Variants in CNTNAP2 observed in about 807,000 individuals in gnomAD.
CNTNAP2 encodes the protein contactin associated protein 2.
CNTNAP2 carries 98 observed loss-of-function variants against 155.2 expected under a neutral mutation model. That is an observed-to-expected ratio of 0.63 (90% CI 0.54 to 0.75). The LOEUF (loss-of-function observed/expected upper bound fraction) is 0.75. Ranked by LOEUF, CNTNAP2 falls within the 30% of genes least tolerant of loss-of-function variation. The probability of loss-of-function intolerance (pLI) is 0.00; values close to 1 mark genes in which losing one functional copy is unlikely to be tolerated. For synonymous variants in CNTNAP2, 651 were observed against 631.2 expected (o/e 1.03, Z -0.47); for missense variants, 1,727 against 1,688.1 (o/e 1.02, Z -0.40).
At chr7:146,758,993 A>T (rs1399289705) in intron 1 of CNTNAP2, among the ~76,000 whole-genome samples, 1 of 151,994 alleles carries the variant, frequency 6.6e-6, no homozygotes, top group Non-Finnish European at 1.5e-5. Flanking sequence ...GATCCAATCA[A>T]TTTTCTTCCT....
At chr7:148,119,559 A>C (rs1036046059) in intron 16 of CNTNAP2, among the ~76,000 whole-genome samples, 1 of 152,062 alleles carries the variant, frequency 6.6e-6, no homozygotes, top group Non-Finnish European at 1.5e-5. Flanking sequence ...TCCCTTTGCC[A>C]AGTCTGTCCC....
At chr7:147,580,138 A>T (rs541853077) in intron 12 of CNTNAP2, among the ~76,000 whole-genome samples, 4 of 152,202 alleles carry the variant, frequency 2.6e-5, no homozygotes, top group Admixed American at 1.3e-4. Context: ...TCTGTCCTTT[A>T]GACAGTCTCC....
At chr7:147,142,908 C>G (rs1563091848) in intron 8 of CNTNAP2, among the ~76,000 whole-genome samples, 1 of 152,120 alleles carries the variant, frequency 6.6e-6, no homozygotes, top group Non-Finnish European at 1.5e-5. Context: ...TATATTCCAT[C>G]CTAGCAAACT....
chr7:148,137,139 T>A (rs900408671), intron 16 of CNTNAP2, among the ~76,000 whole-genome samples: 1 of 152,246 alleles, frequency 6.6e-6, no homozygotes, highest in Non-Finnish European at 1.5e-5. Flanking sequence ...GCACTTATCC[T>A]GGGATACTTT....
At chr7:147,907,191 G>C (rs1402757698) in intron 14 of CNTNAP2, among the ~76,000 whole-genome samples, 1 of 151,806 alleles carries the variant, frequency 6.6e-6, no homozygotes, top group Non-Finnish European at 1.5e-5. Context: ...CGAGTAGCTG[G>C]GACTACAGGC....
Position 147,025,564 on chromosome 7 carries a change from A to G in CNTNAP2, c.403-18343A>G, listed in dbSNP as rs369675273. Among the ~76,000 whole-genome samples, 18 of 151,120 alleles carry G rather than the reference A, an allele frequency of 1.2e-4. No individual in the cohort carries two copies. The East Asian group carries it at 2.4e-3, about 20-fold the overall frequency. On this transcript the variant is annotated intron_variant, in intron 3 of 23. Transcript: ENST00000361727. ...GCAAAGAAACCTCCCATATCATCCAATCACCTCCCACTAGGTCCCACCTCC... is the reference window on the plus strand; with the variant it reads ...GCAAAGAAACCTCCCATATCATCCAGTCACCTCCCACTAGGTCCCACCTCC...
intron 9 of CNTNAP2, among the ~76,000 whole-genome samples, chr7:147,386,814 C>A (rs1796633429): frequency 6.6e-6 from 1 of 152,210 alleles, no homozygotes; most frequent in Admixed American, 6.5e-5. Context: ...CCTCACTCTA[C>A]TGGTACCAGT....
intron 13 of CNTNAP2, among the ~76,000 whole-genome samples, chr7:147,766,334 CT>C (rs1006000562): frequency 8.6e-5 from 13 of 152,020 alleles, no homozygotes; most frequent in Non-Finnish European, 1.8e-4. Context: ...ATGAATAATG[CT>C]TTTAGCCTAT....
chr7:147,329,450 G>A (rs913914345), intron 9 of CNTNAP2, among the ~76,000 whole-genome samples: 7 of 151,974 alleles, frequency 4.6e-5, no homozygotes, highest in African/African-American at 1.7e-4. Context: ...ATAGAATAAT[G>A]GTAGAAGTTG....
chr7:147,915,661 C>T (rs1335545619), intron 14 of CNTNAP2, among the ~76,000 whole-genome samples: 1 of 145,174 alleles, frequency 6.9e-6, no homozygotes, highest in Non-Finnish European at 1.5e-5. Flanking sequence ...AGGCCATTTT[C>T]ATTAAGTTAA....
chr7:148,171,475 G>C lies in CNTNAP2; in HGVS notation c.2774-767G>C, dbSNP rs529607855. Reference sequence around the variant, plus strand: ...GACACAATTAAATCCATTTGTGATAGAATGCCTCAATGAATCTTTCTGTGA... The same window carrying C: ...GACACAATTAAATCCATTTGTGATACAATGCCTCAATGAATCTTTCTGTGA... On this transcript the variant is annotated intron_variant, in intron 17 of 23. Coordinates refer to ENST00000361727, the MANE Select transcript of CNTNAP2 (RefSeq NM_014141.6). Among the ~76,000 whole-genome samples the C allele has an allele frequency of 2.0e-5, 3 of 152,254 alleles. No individual in the cohort carries two copies. The South Asian group carries it at 6.2e-4, about 32-fold the overall frequency.
chr7:148,022,441 C>G (rs1802297264), intron 15 of CNTNAP2, among the ~76,000 whole-genome samples: 1 of 147,946 alleles, frequency 6.8e-6, no homozygotes, highest in South Asian at 2.1e-4. Context: ...TGCCCTCCAG[C>G]CTGGGTAGCA....
chr7:147,693,005 T>C (rs1349511571), intron 13 of CNTNAP2, among the ~76,000 whole-genome samples: 1 of 152,084 alleles, frequency 6.6e-6, no homozygotes, highest in Non-Finnish European at 1.5e-5. Flanking sequence ...TCATTTTGAG[T>C]TCATTGTTGT....
At chr7:146,316,728 C>T (rs1210792130) in intron 1 of CNTNAP2, among the ~76,000 whole-genome samples, 1 of 151,404 alleles carries the variant, frequency 6.6e-6, no homozygotes, top group Admixed American at 6.6e-5. Flanking sequence ...TCCTGTATGA[C>T]AGAAGTTTTA....
intron 1 of CNTNAP2, among the ~76,000 whole-genome samples, chr7:146,228,085 A>T (rs574484224): frequency 3.3e-4 from 50 of 152,332 alleles, no homozygotes; most frequent in African/African-American, 1.1e-3. Flanking sequence ...TTGGTTCATG[A>T]CTGGGAGAAA....
chr7:146,599,561 A>T (rs1563151071), intron 1 of CNTNAP2, among the ~76,000 whole-genome samples: 1 of 151,760 alleles, frequency 6.6e-6, no homozygotes, highest in Non-Finnish European at 1.5e-5. Flanking sequence ...CATCTTATAG[A>T]TAAAAATCTG....
At chr7:146,310,370 A>G (rs1003613823) in intron 1 of CNTNAP2, among the ~76,000 whole-genome samples, 1 of 152,166 alleles carries the variant, frequency 6.6e-6, no homozygotes, top group South Asian at 2.1e-4. Flanking sequence ...AGTGTTTTTT[A>G]TGAACTGAAT....
At chr7:147,590,414 A>G (rs1239945314) in intron 12 of CNTNAP2, among the ~76,000 whole-genome samples, 1 of 152,040 alleles carries the variant, frequency 6.6e-6, no homozygotes, top group Non-Finnish European at 1.5e-5. Flanking sequence ...TTCTCACAAG[A>G]TCTGATGGTC....
intron 1 of CNTNAP2, among the ~76,000 whole-genome samples, chr7:146,690,431 C>T (rs1214900634): frequency 2.0e-5 from 3 of 152,096 alleles, no homozygotes; most frequent in Non-Finnish European, 2.9e-5. Context: ...TCCCAAAATG[C>T]CTGTGGCTAC....
Sources: allele counts gnomAD v4.1 joint callset (sites outside exome capture counted in the v4.1 genomes callset), GRCh38; gene constraint gnomAD v4.1.1; transcripts MANE v1.5; gene names NCBI Gene and HGNC (gene_info 2026-07-23, HGNC 2026-07-21).